Variants in CDS2 observed in about 807,000 individuals in gnomAD.
CDS2 encodes phosphatidate cytidylyltransferase 2.
Under a neutral mutation model 59.0 loss-of-function variants are expected in CDS2, and 47 were observed. The ratio of observed to expected loss-of-function variants is 0.80; its 90% confidence interval spans 0.63 to 1.02. The LOEUF is 1.02. Ranked by LOEUF, CDS2 falls within the 50% of genes least tolerant of loss-of-function variation. The probability of loss-of-function intolerance (pLI) is 0.00; values close to 1 mark genes in which losing one functional copy is unlikely to be tolerated. For synonymous variants in CDS2, 207 were observed against 206.4 expected (o/e 1.00, Z -0.02); for missense variants, 356 against 558.9 (o/e 0.64, Z 3.66).
intron 1 of CDS2, among the ~76,000 whole-genome samples, chr20:5,159,565 A>C (rs759690256): frequency 6.6e-6 from 1 of 152,186 alleles, no homozygotes; most frequent in Non-Finnish European, 1.5e-5. Flanking sequence ...AGAAAATTTT[A>C]GGTGTTTTGA....
chr20:5,133,389 A>G (rs1406913009), intron 1 of CDS2, among the ~76,000 whole-genome samples: 1 of 151,574 alleles, frequency 6.6e-6, no homozygotes, highest in Non-Finnish European at 1.5e-5. Flanking sequence ...GTAGCTCAGG[A>G]CTACAGGCCT....
chr20:5,134,063 T>G lies in CDS2; in HGVS notation c.57+6914T>G, dbSNP rs536690433. 3.9e-5 allele frequency among the ~76,000 whole-genome samples: 6 copies of G among 152,316 alleles called. No homozygotes were observed. In the East Asian group the frequency reaches 1.2e-3, roughly 29 times the overall value. On this transcript the variant is annotated intron_variant, in intron 1 of 12. Coordinates refer to ENST00000460006, the MANE Select transcript of CDS2 (RefSeq NM_003818.4). ...CTTTGCAGAAAAAAATGTATGTGTT[T>G]TATAGAGAAAGTTGATTAGTTTCAG... is the stretch of plus-strand genomic sequence containing the variant.
At chr20:5,136,034 G>A (rs2090647160) in intron 1 of CDS2, among the ~76,000 whole-genome samples, 1 of 152,126 alleles carries the variant, frequency 6.6e-6, no homozygotes, top group South Asian at 2.1e-4. Context: ...ACTTTGCTGA[G>A]GTTTTGAGAG....
chr20:5,135,591 T>C (rs540284748), intron 1 of CDS2, among the ~76,000 whole-genome samples: 10 of 152,262 alleles, frequency 6.6e-5, no homozygotes, highest in Admixed American at 6.5e-4. Flanking sequence ...TGTCATGTGG[T>C]GGTTACTTGG....
At chr20:5,138,512 T>C (rs780453988) in intron 1 of CDS2, among the ~76,000 whole-genome samples, 1 of 151,754 alleles carries the variant, frequency 6.6e-6, no homozygotes, top group Non-Finnish European at 1.5e-5. Flanking sequence ...TGAGATGGAG[T>C]TTTGCTCTTG....
intron 1 of CDS2, among the ~76,000 whole-genome samples, chr20:5,157,832 A>G (rs1318647260): frequency 6.6e-6 from 1 of 152,124 alleles, no homozygotes; most frequent in Non-Finnish European, 1.5e-5. Context: ...ATTTCAGCGT[A>G]TGAATTTTGG....
chr20:5,174,008 G>A (rs780567392), intron 2 of CDS2, among the ~76,000 whole-genome samples: 2 of 152,216 alleles, frequency 1.3e-5, no homozygotes, highest in East Asian at 1.9e-4. Context: ...TTGGGTTTGC[G>A]ATTAATGGGC....
At chr20:5,189,427 A>G (rs564851172) in intron 11 of CDS2, among the ~76,000 whole-genome samples, 1 of 152,338 alleles carries the variant, frequency 6.6e-6, no homozygotes, top group East Asian at 1.9e-4. Flanking sequence ...TGGGCCAGGC[A>G]GTGGCTCATG....
chr20:5,134,504 A>G (rs754745123), intron 1 of CDS2, among the ~76,000 whole-genome samples: 2 of 152,090 alleles, frequency 1.3e-5, no homozygotes, highest in Non-Finnish European at 2.9e-5. Context: ...AATAATATTT[A>G]AGAGTTTTAT....
chr20:5,173,702 A>C (rs1276420449), intron 2 of CDS2, 43 bp downstream of exon 2: 1 of 1,609,332 alleles, frequency 6.2e-7, no homozygotes, highest in Non-Finnish European at 8.5e-7. Context: ...GGGGCTTTGC[A>C]CCATGTCCAA....
rs1280847105 is a variant in CDS2 at position 5,183,298 on chromosome 20, T to C, written c.671+155T>C. On this transcript the variant is annotated intron_variant, in intron 7 of 12. Transcript: ENST00000460006. ...ATTGCTGGACCCCACCCCTGACTTT[T>C]TGATTCATTAGATCTGGGGTAGGCT... The C allele has an allele frequency of 4.8e-6, 3 of 627,024 alleles. No homozygotes were observed. In the African/African-American group the frequency reaches 5.5e-5, roughly 12 times the overall value. The allele number at this position is 627,024 out of a possible 1,614,324, so 38.8% of individuals were successfully genotyped here.
intron 1 of CDS2, among the ~76,000 whole-genome samples, chr20:5,143,403 C>T (rs6053154): frequency 4.3e-4 from 66 of 152,276 alleles, no homozygotes; most frequent in African/African-American, 1.6e-3. Flanking sequence ...TAAATATACA[C>T]AGACTTTGTG....
At chr20:5,159,781 A>G (rs1396171607) in intron 1 of CDS2, among the ~76,000 whole-genome samples, 11 of 152,102 alleles carry the variant, frequency 7.2e-5, no homozygotes, top group South Asian at 4.1e-4. Flanking sequence ...TCATTTCCAT[A>G]TATATTATGT....
chr20:5,142,720 A>G (rs1322054110), intron 1 of CDS2, among the ~76,000 whole-genome samples: 1 of 152,218 alleles, frequency 6.6e-6, no homozygotes, highest in Non-Finnish European at 1.5e-5. Flanking sequence ...ATTAAGAGTG[A>G]AAAGGAAGGC....
chr20:5,146,912 C>G (rs1568531102), intron 1 of CDS2, among the ~76,000 whole-genome samples: 1 of 152,166 alleles, frequency 6.6e-6, no homozygotes, highest in African/African-American at 2.4e-5. Context: ...GCTTCTATCT[C>G]TAGTATAGGA....
intron 1 of CDS2, among the ~76,000 whole-genome samples, chr20:5,134,052 A>C (rs1243451382): frequency 6.6e-6 from 1 of 152,232 alleles, no homozygotes; most frequent in Non-Finnish European, 1.5e-5. Flanking sequence ...GCAGAAAAAA[A>C]TGTATGTGTT....
chr20:5,186,653 C>T (rs771771366), intron 9 of CDS2, 34 bp from the exon 10 acceptor site: 77 of 1,610,772 alleles, frequency 4.8e-5, no homozygotes, highest in Middle Eastern at 1.6e-4. Context: ...TTGGAACTTA[C>T]TTCCTTGCCG....
At position 5,175,289 on chromosome 20, in the gene CDS2, A is replaced by G; in HGVS notation, c.291+10A>G. The G allele has an allele frequency of 6.2e-7, 1 of 1,602,652 alleles. No homozygotes were observed. Among genetic ancestry groups the G allele is most frequent in the Non-Finnish European group, 8.5e-7 (1 of 1,169,688 alleles). The stretch of plus-strand genomic sequence containing the variant: ...GGTTTTGATGATAATCGTAAGTGCC[A>G]TTTCACACTATTTTAGTTTTCCCTT... On this transcript the variant is annotated intron_variant, in intron 3 of 12. Coordinates refer to ENST00000460006, the MANE Select transcript of CDS2 (RefSeq NM_003818.4).
chr20:5,188,581 A>T (rs1359975687), intron 10 of CDS2, among the ~76,000 whole-genome samples: 2 of 152,226 alleles, frequency 1.3e-5, no homozygotes, highest in East Asian at 1.9e-4. Context: ...AATTAGTTTC[A>T]TAAAGAGTTA....
Sources: gnomAD v4.1 joint callset for allele counts (sites outside exome capture counted in the v4.1 genomes callset) on GRCh38, gnomAD v4.1.1 for gene constraint, MANE v1.5 for transcripts, NCBI Gene and HGNC (gene_info 2026-07-23, HGNC 2026-07-21) for gene names.